Variants in CD226 observed in about 807,000 individuals in gnomAD.
The protein encoded by CD226 is CD226 antigen.
In CD226, 24 loss-of-function variants were observed where a neutral mutation model predicts 34.9. That is an observed-to-expected ratio of 0.69 (90% CI 0.50 to 0.97). CD226 has a LOEUF of 0.97. CD226 is among the 50% of genes least tolerant of loss of function. The probability of loss-of-function intolerance (pLI) is 0.00; values close to 1 mark genes in which losing one functional copy is unlikely to be tolerated. For missense variants in CD226, 397 were observed against 412.7 expected (o/e 0.96, Z 0.33); for synonymous variants, 148 against 147.4 (o/e 1.00, Z -0.03).
At chr18:69,910,212 C>T (rs549616258) in intron 2 of CD226, among the ~76,000 whole-genome samples, 2 of 152,170 alleles carry the variant, frequency 1.3e-5, no homozygotes, top group African/African-American at 4.8e-5. Flanking sequence ...GATGGGCACA[C>T]CTTGGAGACT....
intron 3 of CD226, among the ~76,000 whole-genome samples, chr18:69,876,622 C>T (rs1023993061): frequency 1.3e-5 from 2 of 152,140 alleles, no homozygotes; most frequent in African/African-American, 2.4e-5. Flanking sequence ...TTTTTCTCTG[C>T]TCTCACACTA....
chr18:69,954,842 G>A (rs1403520414), intron 1 of CD226, among the ~76,000 whole-genome samples: 1 of 152,098 alleles, frequency 6.6e-6, no homozygotes, highest in Non-Finnish European at 1.5e-5. Flanking sequence ...CTAGAGATGA[G>A]CCCTATTTAT....
intron 3 of CD226, among the ~76,000 whole-genome samples, chr18:69,873,459 G>T (rs971104726): frequency 1.7e-4 from 26 of 150,980 alleles, no homozygotes; most frequent in African/African-American, 5.8e-4. Context: ...TTTGTTTTTT[G>T]ATTAAGCTGA....
upstream of CD226, among the ~76,000 whole-genome samples, chr18:69,958,068 T>A (rs2055911035): frequency 6.6e-6 from 1 of 152,168 alleles, no homozygotes; most frequent in Non-Finnish European, 1.5e-5. Flanking sequence ...ATCCAGCAGG[T>A]CTCAGCTCCA....
At chr18:69,933,015 G>A (rs2055607158) in intron 2 of CD226, among the ~76,000 whole-genome samples, 1 of 152,164 alleles carries the variant, frequency 6.6e-6, no homozygotes. Flanking sequence ...TGCAGCAGGG[G>A]AGCTTTCCTG....
Position 69,895,578 on chromosome 18 carries a change from A to G in CD226, c.727+123T>C, listed in dbSNP as rs570696244. Reference sequence around the variant, plus strand: ...ATGGCCAACTCACCTAAATTCAGCCATTTAAAAAAATGCTGAATATGCGCA... The same window carrying G: ...ATGGCCAACTCACCTAAATTCAGCCGTTTAAAAAAATGCTGAATATGCGCA... On this transcript the variant is annotated intron_variant, in intron 3 of 5. Transcript: ENST00000582621. 3.6e-5 allele frequency: 26 copies of G among 727,540 alleles called. No individual in the cohort carries two copies. The South Asian group carries it at 4.5e-4, about 13-fold the overall frequency. The allele number at this position is 727,540 out of a possible 1,614,324, so 45.1% of individuals were successfully genotyped here.
upstream of CD226, among the ~76,000 whole-genome samples, chr18:69,948,116 G>A (rs56996513): frequency 6.8e-3 from 1,031 of 152,312 alleles, 4 homozygotes; most frequent in Middle Eastern, 0.01. Context: ...TAGAGTCACA[G>A]TAAGTCACAA....
At chr18:69,928,168 T>C (rs948791017) in intron 2 of CD226, among the ~76,000 whole-genome samples, 1 of 152,246 alleles carries the variant, frequency 6.6e-6, no homozygotes, top group African/African-American at 2.4e-5. Flanking sequence ...GGAATACTTT[T>C]CACTTACTCG....
intron 2 of CD226, among the ~76,000 whole-genome samples, chr18:69,913,175 C>A (rs12968717): frequency 1.3e-5 from 2 of 151,932 alleles, no homozygotes; most frequent in Middle Eastern, 3.2e-3. Context: ...CCATCTTCCC[C>A]GTCTCCACAC....
intron 2 of CD226, among the ~76,000 whole-genome samples, chr18:69,946,145 C>CT (rs1443743878): frequency 8.4e-6 from 1 of 118,914 alleles, no homozygotes; most frequent in Non-Finnish European, 1.6e-5. Context: ...GATCATGCTA[C>CT]TGTACTCCAG....
chr18:69,918,290 C>T (rs1252711311), intron 2 of CD226, among the ~76,000 whole-genome samples: 3 of 152,176 alleles, frequency 2.0e-5, no homozygotes, highest in African/African-American at 4.8e-5. Context: ...CGGTGGCTCA[C>T]GCCTGTAATC....
upstream of CD226, among the ~76,000 whole-genome samples, chr18:69,960,125 A>G (rs2055922799): frequency 6.6e-6 from 1 of 151,988 alleles, no homozygotes; most frequent in East Asian, 1.9e-4. Context: ...CTGTAATCCC[A>G]GCTACTTGGG....
intron 2 of CD226, among the ~76,000 whole-genome samples, chr18:69,933,504 C>A (rs2055614083): frequency 6.6e-6 from 1 of 152,182 alleles, no homozygotes; most frequent in African/African-American, 2.4e-5. Context: ...CCTCTGTCAC[C>A]TCCAACTCCC....
intron 2 of CD226, among the ~76,000 whole-genome samples, chr18:69,911,432 G>C (rs2055323303): frequency 6.6e-6 from 1 of 152,208 alleles, no homozygotes; most frequent in South Asian, 2.1e-4. Flanking sequence ...ATTTTTGGAA[G>C]TTGGGACCAA....
At position 69,862,112 on chromosome 18, in the gene CD226, C is replaced by G. The variant is rs1187074757; in HGVS notation, c.*2202G>C. The G allele has an allele frequency of 6.6e-6, 1 of 152,124 alleles. No individual in the cohort carries two copies. Among genetic ancestry groups the G allele is most frequent in the East Asian group, 1.9e-4 (1 of 5,186 alleles). The allele number at this position is 152,124 out of a possible 1,614,324, so 9.4% of individuals were successfully genotyped here. On this transcript the variant is annotated 3_prime_UTR_variant, in exon 6 of 6. Transcript: ENST00000582621. ...TTTGCAATACTGCAGTGGTTTGCTA[C>G]AAAAGTCTTTCATGAAGTTCCCAGT...
At chr18:69,919,817 G>T (rs2055429426) in intron 2 of CD226, among the ~76,000 whole-genome samples, 1 of 151,856 alleles carries the variant, frequency 6.6e-6, no homozygotes, top group Non-Finnish European at 1.5e-5. Flanking sequence ...TCAAAAAAGA[G>T]TCGGTTACTA....
At chr18:69,869,521 A>C (rs887640517) in intron 4 of CD226, among the ~76,000 whole-genome samples, 8 of 152,124 alleles carry the variant, frequency 5.3e-5, no homozygotes, top group African/African-American at 1.9e-4. Flanking sequence ...AGGGTGGGAG[A>C]AGGGAGAGGA....
rs1982949151 is a variant in CD226, at chr18:69,863,637, A to G, written c.*677T>C. ...TTAGTTAACAAAAATGTCTTGGTTA[A>G]TCACTGCAGTCAATATTTGTTGGTA... On this transcript the variant is annotated 3_prime_UTR_variant, in exon 6 of 6. Transcript: ENST00000582621. 6.6e-6 allele frequency: 1 copy of G among 152,206 alleles called. No homozygotes were observed. Among genetic ancestry groups the G allele is most frequent in the Non-Finnish European group, 1.5e-5 (1 of 68,046 alleles). 9.4% of individuals were successfully genotyped at this position (152,206 alleles called of 1,614,324 possible).
intron 3 of CD226, among the ~76,000 whole-genome samples, chr18:69,889,383 T>C (rs1415426141): frequency 3.3e-5 from 5 of 152,110 alleles, no homozygotes; most frequent in Non-Finnish European, 4.4e-5. Context: ...GACATATCTG[T>C]CAGCCCAGTG....
Sources: allele counts gnomAD v4.1 joint callset (sites outside exome capture counted in the v4.1 genomes callset), GRCh38; gene constraint gnomAD v4.1.1; transcripts MANE v1.5; gene names NCBI Gene and HGNC (gene_info 2026-07-23, HGNC 2026-07-21).